Variants in DAB1 observed in about 807,000 individuals in gnomAD.
The protein encoded by DAB1 is DAB adaptor protein 1.
In DAB1, 15 loss-of-function variants were observed where a neutral mutation model predicts 64.6. The observed-to-expected ratio is 0.23, with a 90% CI of 0.16 to 0.36. The LOEUF is 0.36. Among genes scored for constraint, DAB1 ranks in the 10% least tolerant of loss-of-function variants. DAB1 has a pLI of 1.00. For missense variants in DAB1, 596 were observed against 706.7 expected, an observed-to-expected ratio of 0.84 and a Z score of 1.78; for synonymous variants, 235 against 251.9, an observed-to-expected ratio of 0.93 and a Z score of 0.64.
intron 4 of DAB1, among the ~76,000 whole-genome samples, chr1:57,130,843 G>T (rs977042189): frequency 6.6e-6 from 1 of 152,020 alleles, no homozygotes; most frequent in Admixed American, 6.6e-5. Context: ...TGGAAAATTC[G>T]GTATTATGTA....
rs529371870 is a variant in DAB1 at position 57,269,256 on chromosome 1, G to A, written c.67+21708C>T. Among the ~76,000 whole-genome samples the A allele has an allele frequency of 2.0e-5, 3 of 152,232 alleles. No individual in the cohort carries two copies. In the South Asian group the frequency reaches 6.2e-4, roughly 32 times the overall value. ...GCAAAATAGAGTTCCAGCTCCCTGG[G>A]ATATACAGAAAGCCTTGCCATGCAG... is the stretch of plus-strand genomic sequence containing the variant. On this transcript the variant is annotated intron_variant, in intron 2 of 14. Transcript: ENST00000371236.
chr1:57,993,103 G>A (rs541766363), intron 5 of DAB1, among the ~76,000 whole-genome samples: 1 of 152,192 alleles, frequency 6.6e-6, no homozygotes, highest in African/African-American at 2.4e-5. Flanking sequence ...TTTTCCTATT[G>A]ACCCTCACTT....
intron 7 of DAB1, among the ~76,000 whole-genome samples, chr1:57,461,592 T>C (rs1686780496): frequency 6.6e-6 from 1 of 152,184 alleles, no homozygotes; most frequent in African/African-American, 2.4e-5. Flanking sequence ...CATCATGCTA[T>C]TTGCTGACCC....
At chr1:58,292,431 AAAT>A (rs1031242185) in intron 4 of DAB1, among the ~76,000 whole-genome samples, 8 of 152,226 alleles carry the variant, frequency 5.3e-5, no homozygotes, top group African/African-American at 1.2e-4. Context: ...TAAGGATGAA[AAAT>A]AATAATAATT....
At chr1:57,104,303 A>C (rs145465526) in intron 4 of DAB1, among the ~76,000 whole-genome samples, 51 of 152,264 alleles carry the variant, frequency 3.3e-4, no homozygotes, top group African/African-American at 1.2e-3. Context: ...GGCCCAAAGC[A>C]GGCACTGTAG....
chr1:57,984,247 AGAAAG>A (rs1646150345), intron 5 of DAB1, among the ~76,000 whole-genome samples: 4 of 147,970 alleles, frequency 2.7e-5, no homozygotes, highest in African/African-American at 2.5e-5. Flanking sequence ...AAAGAAAGAA[AGAAAG>A]AAAGAAAGAA....
chr1:57,924,626 A>ATTTT (rs34750244), intron 5 of DAB1, among the ~76,000 whole-genome samples: 1 of 131,792 alleles, frequency 7.6e-6, no homozygotes, highest in African/African-American at 2.8e-5. Context: ...CACTTGGCTA[A>ATTTT]TTTTTTTTTT....
At chr1:58,525,050 T>A (rs932632632) in intron 2 of DAB1, among the ~76,000 whole-genome samples, 1 of 152,230 alleles carries the variant, frequency 6.6e-6, no homozygotes, top group African/African-American at 2.4e-5. Flanking sequence ...TAATACTGCA[T>A]CTTTCTGTTT....
At chr1:57,665,847 A>ATG (rs1646440485) in intron 6 of DAB1, among the ~76,000 whole-genome samples, 1 of 118,866 alleles carries the variant, frequency 8.4e-6, no homozygotes, top group African/African-American at 3.5e-5. Context: ...TTTTTTAATT[A>ATG]TCTGTGTGTG....
Position 57,011,170 on chromosome 1 carries a change from G to A in DAB1, c.1547C>T (p.Pro516Leu), listed in dbSNP as rs758968784. The A allele has an allele frequency of 8.7e-6, 14 of 1,613,846 alleles. No individual in the cohort carries two copies. The South Asian group carries it at 1.4e-4, about 16-fold the overall frequency. The change falls in exon 13 of 15, where the codon CCC becomes CTC. Residue 516 changes from proline to leucine, a missense_variant. Physicochemically the swap from Pro to Leu is moderately conservative, Grantham distance 98. Around this residue, in one of 3 missense-constraint regions of DAB1, gnomAD observed 377 missense variants for 400.4 expected, o/e 0.94. Transcript: ENST00000371236. ...DDIFEEGFES[P>L]SKSEEQEAPD... ...AGCTTCTTGCTCTTCGCTTTTGCTG[G>A]GACTTTCAAAGCCCTCTTCAAAGAT...
At chr1:57,523,926 A>G (rs1215087266) in intron 7 of DAB1, among the ~76,000 whole-genome samples, 1 of 151,998 alleles carries the variant, frequency 6.6e-6, no homozygotes, top group Non-Finnish European at 1.5e-5. Flanking sequence ...CTCTGTCTCA[A>G]AAAAAAAGAA....
intron 14 of DAB1, among the ~76,000 whole-genome samples, chr1:57,006,879 C>T (rs1261890967): frequency 6.6e-6 from 1 of 152,120 alleles, no homozygotes; most frequent in Non-Finnish European, 1.5e-5. Flanking sequence ...AGAGCTATTG[C>T]AATTATCTGT....
intron 4 of DAB1, among the ~76,000 whole-genome samples, chr1:57,136,043 G>GT (rs1342396323): frequency 6.6e-5 from 10 of 152,100 alleles, no homozygotes; most frequent in Non-Finnish European, 1.5e-4. Context: ...TTCAACAAAC[G>GT]TATCAGCCCT....
At chr1:57,689,091 GAAGA>G (rs1646733582) in intron 6 of DAB1, among the ~76,000 whole-genome samples, 2 of 152,080 alleles carry the variant, frequency 1.3e-5, no homozygotes. Context: ...TTTTAAAAAA[GAAGA>G]AAGCAAAACA....
intron 7 of DAB1, among the ~76,000 whole-genome samples, chr1:57,607,307 A>T (rs889993085): frequency 1.3e-5 from 2 of 152,192 alleles, no homozygotes; most frequent in Non-Finnish European, 2.9e-5. Context: ...CTCCAATTAC[A>T]TTCCCTACCA....
intron 4 of DAB1, among the ~76,000 whole-genome samples, chr1:57,134,322 T>C (rs1407812000): frequency 6.6e-6 from 1 of 152,068 alleles, no homozygotes; most frequent in Non-Finnish European, 1.5e-5. Flanking sequence ...CGGTGGCTCA[T>C]GCCTGTAATC....
rs555090128 is a variant in DAB1, at chr1:58,097,123, G to A, written n.387+53388C>T. ...TTCAGTAGTAATTGACAACATTTAT[G>A]TGCTTGGCCCTCTCATACATGCTTT... On this transcript the variant is annotated intron_variant and non_coding_transcript_variant, in intron 5 of 20. Coordinates refer to the DAB1 transcript ENST00000485760. Among the ~76,000 whole-genome samples the A allele has an allele frequency of 2.0e-4, 30 of 152,316 alleles. No individual in the cohort carries two copies. In the Middle Eastern group the frequency reaches 0.01, roughly 52 times the overall value.
chr1:57,382,187 C>A (rs1467786708), intron 1 of DAB1, among the ~76,000 whole-genome samples: 1 of 152,106 alleles, frequency 6.6e-6, no homozygotes, highest in Admixed American at 6.6e-5. Flanking sequence ...CAATAGCAAA[C>A]CAACACACTC....
At chr1:57,976,302 T>C (rs978898813) in intron 5 of DAB1, among the ~76,000 whole-genome samples, 1 of 152,144 alleles carries the variant, frequency 6.6e-6, no homozygotes, top group East Asian at 1.9e-4. Context: ...ATCTCAGTAA[T>C]AACAGGTTCA....
Sources: allele counts gnomAD v4.1 joint callset (sites outside exome capture counted in the v4.1 genomes callset), GRCh38; gene constraint gnomAD v4.1.1; regional missense constraint gnomAD v4.1.1; transcripts MANE v1.5; gene names NCBI Gene and HGNC (gene_info 2026-07-23, HGNC 2026-07-21).